The following POSTN variants were observed in gnomAD, a reference collection of about 807,000 sequenced individuals.
The protein encoded by POSTN is periostin.
In POSTN, 71 loss-of-function variants were observed where a neutral mutation model predicts 104.5. The ratio of observed to expected loss-of-function variants is 0.68; its 90% CI spans 0.56 to 0.83. The LOEUF is 0.83. Among genes scored for constraint, POSTN ranks in the 40% least tolerant of loss-of-function variants. The pLI, the probability that POSTN is intolerant of heterozygous loss-of-function variation, is 0.00. For missense variants in POSTN, 949 were observed against 1,006.8 expected, an observed-to-expected ratio of 0.94 and a Z score of 0.78; for synonymous variants, 355 against 340.7, an observed-to-expected ratio of 1.04 and a Z score of -0.46.
At chr13:37,564,588 T>C (rs1950034674) in intron 21 of POSTN, 28 bp from the exon 22 acceptor site, 3 of 1,489,362 alleles carry the variant, frequency 2.0e-6, no homozygotes, top group South Asian at 1.1e-5. Context: ...TAGTTAGAAA[T>C]ACTTCGCAAT....
intron 18 of POSTN, 30 bp downstream of exon 18, chr13:37,571,339 A>G (rs1275925982): frequency 7.2e-7 from 1 of 1,379,992 alleles, no homozygotes; most frequent in Non-Finnish European, 1.0e-6. Flanking sequence ...CAGCGAAGGT[A>G]GTCGGCCCCA....
At chr13:37,570,904 A>G in intron 18 of POSTN, 1 of 443,328 alleles carries the variant, frequency 2.3e-6, no homozygotes, top group East Asian at 3.7e-5. Context: ...CTAACTCTCC[A>G]TGTCATACTT....
chr13:37,563,156 T>C lies in POSTN; in HGVS notation c.*177A>G. On this transcript the variant is annotated 3_prime_UTR_variant, in exon 23 of 23. Coordinates refer to ENST00000379747, the MANE Select transcript of POSTN (RefSeq NM_006475.3). ...TTACCACAGGAGGCTAACTCCACAA[T>C]TTCCCTCATGTTTCTCATTCAGAAA... The C allele has an allele frequency of 5.3e-6, 2 of 377,588 alleles. No individual in the cohort carries two copies. The highest frequency in any genetic ancestry group is 9.5e-6 in the Non-Finnish European group (2 of 211,632). The allele number at this position is 377,588 out of a possible 1,614,324, so 23.4% of individuals were successfully genotyped here.
intron 2 of POSTN, among the ~76,000 whole-genome samples, chr13:37,593,369 T>G: frequency 6.6e-6 from 1 of 151,056 alleles, no homozygotes; most frequent in Non-Finnish European, 1.5e-5. Flanking sequence ...TTTTCTGGAC[T>G]TCATCATCTA....
intron 8 of POSTN, 44 bp from the exon 9 acceptor site, chr13:37,584,147 A>G (rs199934451): frequency 1.9e-6 from 3 of 1,606,494 alleles, no homozygotes; most frequent in African/African-American, 1.3e-5. Flanking sequence ...CATCATTGCT[A>G]TTATCTCCAT....
At chr13:37,596,321 C>T (rs1372235159) in intron 2 of POSTN, among the ~76,000 whole-genome samples, 1 of 152,012 alleles carries the variant, frequency 6.6e-6, no homozygotes, top group Admixed American at 6.6e-5. Flanking sequence ...GGGATGACAC[C>T]TAAACCTTTC....
At chr13:37,571,547 G>T in intron 17 of POSTN, 89 bp from the exon 18 acceptor site, 1 of 948,486 alleles carries the variant, frequency 1.1e-6, no homozygotes, top group South Asian at 1.6e-5. Flanking sequence ...CATTCGGTGT[G>T]ACTCAACTCA....
rs1294888299 is a variant in POSTN at position 37,581,761 on chromosome 13, T to C, written c.1392+605A>G. Among the ~76,000 whole-genome samples, 3 of 151,850 alleles carry C rather than the reference T, an allele frequency of 2.0e-5. No individual in the cohort carries two copies. The East Asian group carries it at 5.8e-4, about 29-fold the overall frequency. On this transcript the variant is annotated intron_variant, in intron 10 of 22. Coordinates refer to ENST00000379747, the MANE Select transcript of POSTN (RefSeq NM_006475.3). ...AGTACATTAAAACCCTTTTTTAGAG[T>C]CCAGAAATCTCTATGTGCCAATAAA...
Position 37,569,819 on chromosome 13 carries a change from G to C in POSTN, c.2272C>G (p.Pro758Ala). 6.3e-7 allele frequency: 1 copy of C among 1,591,608 alleles called. No individual in the cohort carries two copies. Among genetic ancestry groups the C allele is most frequent in the Non-Finnish European group, 8.6e-7 (1 of 1,162,410 alleles). Residue 758 changes from proline (P) to alanine (A), a missense_variant and splice_region_variant, in exon 20 of 23, where the codon CCT (proline) becomes GCT (alanine). By Grantham distance (27) the Pro-to-Ala change is conservative (BLOSUM62 -1). Coordinates refer to ENST00000379747, the MANE Select transcript of POSTN (RefSeq NM_006475.3). ...ETREERIITG[P>A]EIKYTRISTG... ...GAAATCCTAGTGTATTTTATTTCAG[G>C]ACCTATGAGAAGGACAATGAAAAAG...
chr13:37,569,632 T>A (rs1950205014), intron 20 of POSTN, 112 bp downstream of exon 20: 4 of 941,230 alleles, frequency 4.2e-6, no homozygotes, highest in Non-Finnish European at 6.9e-6. Flanking sequence ...CTTGTTGGTA[T>A]GGAAATGAAC....
chr13:37,575,944 A>G (rs891839570), intron 16 of POSTN, among the ~76,000 whole-genome samples: 1 of 152,154 alleles, frequency 6.6e-6, no homozygotes, highest in Non-Finnish European at 1.5e-5. Flanking sequence ...TATTGCTGCT[A>G]TCAAAATGGA....
intron 3 of POSTN, among the ~76,000 whole-genome samples, chr13:37,591,018 T>C (rs1950916198): frequency 6.6e-6 from 1 of 152,084 alleles, no homozygotes; most frequent in African/African-American, 2.4e-5. Flanking sequence ...AAGGGATTTA[T>C]CTGGTAATGT....
intron 10 of POSTN, 115 bp from the exon 11 acceptor site, chr13:37,580,812 C>CG (rs751424566): frequency 2.0e-5 from 25 of 1,261,962 alleles, no homozygotes; most frequent in Non-Finnish European, 2.8e-5. Context: ...TGCCTGGTGT[C>CG]TGAGGCCACG....
chr13:37,579,799 C>T, intron 12 of POSTN, 62 bp downstream of exon 12: 2 of 1,553,992 alleles, frequency 1.3e-6, no homozygotes, highest in Middle Eastern at 1.7e-4. Flanking sequence ...GACAGGAAAG[C>T]TTGAGAAAGA....
intron 17 of POSTN, among the ~76,000 whole-genome samples, chr13:37,572,510 C>T (rs1950290646): frequency 6.6e-6 from 1 of 151,450 alleles, no homozygotes; most frequent in African/African-American, 2.4e-5. Flanking sequence ...AATTTAAGAA[C>T]CAAAAATGCG....
chr13:37,593,616 C>T (rs960506328), intron 2 of POSTN, among the ~76,000 whole-genome samples: 1 of 151,404 alleles, frequency 6.6e-6, no homozygotes, highest in African/African-American at 2.4e-5. Context: ...TATTCAAATG[C>T]TATTTCTTTT....
Position 37,597,269 on chromosome 13 carries a change from C to T in POSTN, c.133G>A (p.Ala45Thr), listed in dbSNP as rs756971818. 6.3e-7 allele frequency: 1 copy of T among 1,581,688 alleles called. No individual in the cohort carries two copies. Among genetic ancestry groups the T allele is most frequent in the South Asian group, 1.2e-5 (1 of 84,858 alleles). The change falls in exon 2 of 23, where the codon GCC becomes ACC. Residue 45 changes from alanine to threonine, a missense_variant. Coordinates refer to ENST00000379747, the MANE Select transcript of POSTN (RefSeq NM_006475.3). The stretch of plus-strand genomic sequence containing the variant: ...TTGGTGCCCAAAATCTGTTGAAGGG[C>T]ACAGACATTTGGGCTGGAGGATAGA... ...RGRDQGPNVC[A>T]LQQILGTKKK...
intron 2 of POSTN, among the ~76,000 whole-genome samples, chr13:37,596,956 G>A (rs1470689458): frequency 6.6e-6 from 1 of 151,638 alleles, no homozygotes; most frequent in African/African-American, 2.4e-5. Flanking sequence ...GCTTCCTTCT[G>A]GCCTCCATGT....
chr13:37,574,704 A>G (rs751377032), intron 16 of POSTN, 52 bp from the exon 17 acceptor site: 1 of 1,517,616 alleles, frequency 6.6e-7, no homozygotes, highest in African/African-American at 1.4e-5. Context: ...AAACCTGAAC[A>G]AAGGTTTTTT....
Sources: gnomAD v4.1 joint callset for allele counts (sites outside exome capture counted in the v4.1 genomes callset) on GRCh38, gnomAD v4.1.1 for gene constraint, MANE v1.5 for transcripts, NCBI Gene and HGNC (gene_info 2026-07-23, HGNC 2026-07-21) for gene names.